The following CLHC1 variants were observed in gnomAD, a reference collection of about 807,000 sequenced individuals.
CLHC1 encodes the protein clathrin heavy chain linker domain containing 1, also known as clathrin heavy chain linker domain-containing protein 1.
In CLHC1, 72 loss-of-function variants were observed where a neutral mutation model predicts 69.5. That is an observed-to-expected ratio of 1.04 (90% CI 0.86 to 1.26). The LOEUF (loss-of-function observed/expected upper bound fraction) is 1.26, where lower values mean the gene tolerates loss of function less well. Ranked by LOEUF, CLHC1 falls within the 50% of genes most tolerant of loss-of-function variation. The probability of loss-of-function intolerance (pLI) is 0.00; values close to 1 mark genes in which losing one functional copy is unlikely to be tolerated. For synonymous variants in CLHC1, 223 were observed against 224.3 expected (o/e 0.99, Z 0.05); for missense variants, 790 against 679.3 (o/e 1.16, Z -1.81).
intron 2 of CLHC1, among the ~76,000 whole-genome samples, chr2:55,226,915 G>T (rs189899084): frequency 9.5e-4 from 145 of 152,348 alleles, no homozygotes; most frequent in Middle Eastern, 3.4e-3. Flanking sequence ...TTACAGGCAT[G>T]AGCCACTGCA....
chr2:55,182,474 C>A (rs2103696134), intron 9 of CLHC1, among the ~76,000 whole-genome samples: 1 of 152,266 alleles, frequency 6.6e-6, no homozygotes, highest in South Asian at 2.1e-4. Context: ...GGAAGACTGT[C>A]AATTTGAACT....
chr2:55,206,214 G>T, intron 9 of CLHC1, 56 bp downstream of exon 9: 4 of 999,392 alleles, frequency 4.0e-6, no homozygotes, highest in South Asian at 2.8e-5. Context: ...TCTATTTTAT[G>T]AGAGAAAAAG....
At chr2:55,228,926 G>C (rs972923149) in intron 1 of CLHC1, among the ~76,000 whole-genome samples, 10 of 152,070 alleles carry the variant, frequency 6.6e-5, no homozygotes, top group Non-Finnish European at 1.5e-4. Flanking sequence ...GAGGCAGGTG[G>C]ATCACTTGAG....
rs866872615 is a variant in CLHC1 at position 55,184,963 on chromosome 2, A to C, written c.1007-3219T>G. 2.5e-3 allele frequency among the ~76,000 whole-genome samples: 223 copies of C among 88,898 alleles called. 1 individual carries two copies. The highest frequency in any genetic ancestry group is 6.7e-3 in the African/African-American group (160 of 23,898). 58.3% of individuals were successfully genotyped at this position (88,898 alleles called of 152,430 possible). ...ACACACACACACACACACACACACA[A>C]AGATTTCCTATACCTACTATAGATT... On this transcript the variant is annotated intron_variant, in intron 9 of 12. Coordinates refer to ENST00000401408, the MANE Select transcript of CLHC1 (RefSeq NM_152385.4).
chr2:55,200,445 T>TA, intron 9 of CLHC1, among the ~76,000 whole-genome samples: 1 of 152,140 alleles, frequency 6.6e-6, no homozygotes, highest in Non-Finnish European at 1.5e-5. Flanking sequence ...AGTCATTATA[T>TA]AATGATAAAG....
chr2:55,202,953 C>A (rs1174181835), intron 9 of CLHC1, among the ~76,000 whole-genome samples: 3 of 147,694 alleles, frequency 2.0e-5, no homozygotes, highest in Non-Finnish European at 4.5e-5. Flanking sequence ...TTGAAAGATA[C>A]AAAATCAACA....
chr2:55,210,466 G>A (rs1672883623), intron 5 of CLHC1, among the ~76,000 whole-genome samples: 1 of 152,064 alleles, frequency 6.6e-6, no homozygotes, highest in Admixed American at 6.6e-5. Flanking sequence ...AAAGTGCTGG[G>A]ATTACAGGTG....
chr2:55,204,786 T>C (rs1298708761), intron 9 of CLHC1, among the ~76,000 whole-genome samples: 2 of 152,178 alleles, frequency 1.3e-5, no homozygotes, highest in East Asian at 3.9e-4. Context: ...TACAACAACA[T>C]GGATGGAACC....
intron 11 of CLHC1, among the ~76,000 whole-genome samples, chr2:55,179,939 G>A (rs1248159383): frequency 2.0e-4 from 31 of 152,144 alleles, no homozygotes; most frequent in Admixed American, 2.0e-3. Context: ...CAGATCACAA[G>A]ATCAGGAGAT....
At position 55,181,694 on chromosome 2, in the gene CLHC1, C is replaced by A. The variant is rs1275358131; in HGVS notation, c.1057G>T (p.Ala353Ser). The A allele has an allele frequency of 6.2e-7, 1 of 1,613,580 alleles. No individual in the cohort carries two copies. Among genetic ancestry groups the A allele is most frequent in the Non-Finnish European group, 8.5e-7 (1 of 1,179,808 alleles). The change falls in exon 10 of 13, where the codon GCC becomes TCC. Residue 353 changes from alanine (A) to serine (S), a missense_variant. Transcript: ENST00000401408. ...KPLPLLLFFE[A>S]LFITSHAFPC... ...AAAGCATGACTTGTGATAAAGAGGGCCTCAAAAAATAAGAGTAATGGAAGA... is the reference window on the plus strand; with the variant it reads ...AAAGCATGACTTGTGATAAAGAGGGACTCAAAAAATAAGAGTAATGGAAGA...
intron 4 of CLHC1, among the ~76,000 whole-genome samples, chr2:55,214,225 T>A (rs1673275193): frequency 6.6e-6 from 1 of 152,132 alleles, no homozygotes; most frequent in East Asian, 1.9e-4. Flanking sequence ...AAAAACAAGT[T>A]TGGGCTGGGC....
At chr2:55,203,671 A>G (rs982739939) in intron 9 of CLHC1, among the ~76,000 whole-genome samples, 4 of 152,208 alleles carry the variant, frequency 2.6e-5, no homozygotes, top group African/African-American at 4.8e-5. Context: ...AAAATGGATT[A>G]AATATTTAAA....
At chr2:55,183,855 A>G (rs1340764606) in intron 9 of CLHC1, among the ~76,000 whole-genome samples, 1 of 152,070 alleles carries the variant, frequency 6.6e-6, no homozygotes, top group Non-Finnish European at 1.5e-5. Flanking sequence ...ATCTCGGCTC[A>G]CTGCAACCTC....
At position 55,173,298 on chromosome 2, in the gene CLHC1, AATTATT is replaced by A. The variant is rs1669113558; in HGVS notation, c.*2486_*2491del. The stretch of plus-strand genomic sequence containing the variant: ...GACTGGCTATTAGATAATGCTAAGG[AATTATT>A]ATTAGTAACTTTTAAAATACGTTGT... On this transcript the variant is annotated 3_prime_UTR_variant, in exon 13 of 13. Transcript: ENST00000401408. Among the ~76,000 whole-genome samples the A allele has an allele frequency of 6.6e-6, 1 of 152,222 alleles. No individual in the cohort carries two copies. The highest frequency in any genetic ancestry group is 2.4e-5 in the African/African-American group (1 of 41,458).
At chr2:55,223,803 T>A (rs929841179) in intron 2 of CLHC1, among the ~76,000 whole-genome samples, 2 of 151,814 alleles carry the variant, frequency 1.3e-5, no homozygotes, top group African/African-American at 2.4e-5. Flanking sequence ...TCGTAACTTT[T>A]TTTTTTTTTT....
At chr2:55,189,951 A>G (rs1347909061) in intron 9 of CLHC1, among the ~76,000 whole-genome samples, 1 of 152,204 alleles carries the variant, frequency 6.6e-6, no homozygotes, top group Non-Finnish European at 1.5e-5. Flanking sequence ...ATTTGAAAAC[A>G]AGCTCCAGAA....
In CLHC1 at chr2:55,209,438, A is replaced by G. The variant is rs759838983; in HGVS notation, c.780T>C (p.Phe260=). 9.3e-6 allele frequency: 15 copies of G among 1,608,802 alleles called. No individual in the cohort carries two copies. The highest frequency in any genetic ancestry group is 7.8e-5 in the South Asian group (7 of 89,504). Residue 260 remains phenylalanine, a synonymous_variant, in exon 7 of 13, where the codon TTT becomes TTC. Coordinates refer to ENST00000401408, the MANE Select transcript of CLHC1 (RefSeq NM_152385.4). ...ATTTGGTTTTCTGAATTTGCTCCAC[A>G]AAGTCTTGAAATGGGCTGCTCATAT... The part of the protein sequence containing the change: ...KSDMSSPFQD[F]VEQIQKTKYL...
rs1364817517 is a variant in CLHC1 at position 55,174,356 on chromosome 2, TA to T, written c.*1433del. On this transcript the variant is annotated 3_prime_UTR_variant, in exon 13 of 13. Transcript: ENST00000401408. ...CTAATACAAGTGTGGACAGATAACTTAATCTCAGCAATAAGTTGTACCAATA... is the reference window on the plus strand; with the variant it reads ...CTAATACAAGTGTGGACAGATAACTTATCTCAGCAATAAGTTGTACCAATA... Among the ~76,000 whole-genome samples the T allele has an allele frequency of 6.6e-6, 1 of 152,210 alleles. No homozygotes were observed. The highest frequency in any genetic ancestry group is 1.5e-5 in the Non-Finnish European group (1 of 68,032).
chr2:55,213,227 C>T (rs778635081), intron 4 of CLHC1, among the ~76,000 whole-genome samples: 3 of 152,172 alleles, frequency 2.0e-5, no homozygotes, highest in Admixed American at 6.5e-5. Flanking sequence ...TCAGTATCAC[C>T]GGACCAAAAT....
Sources: gnomAD v4.1 joint callset for allele counts (sites outside exome capture counted in the v4.1 genomes callset) on GRCh38, gnomAD v4.1.1 for gene constraint, MANE v1.5 for transcripts, NCBI Gene and HGNC (gene_info 2026-07-23, HGNC 2026-07-21) for gene names.